Variants in MRC1 observed in about 807,000 individuals in gnomAD.
MRC1 encodes mannose receptor C-type 1.
In MRC1, 62 loss-of-function variants were observed where a neutral mutation model predicts 102.9. The observed-to-expected ratio is 0.60, with a 90% CI of 0.49 to 0.74. The LOEUF is 0.74. MRC1 is among the 30% of genes least tolerant of loss of function. MRC1 has a pLI of 0.00. For missense variants in MRC1, 1,237 were observed against 862.8 expected (o/e 1.43, Z -5.43); for synonymous variants, 457 against 298.4 (o/e 1.53, Z -5.48).
At chr10:17,862,412 C>G (rs2130662292) in intron 10 of MRC1, among the ~76,000 whole-genome samples, 1 of 152,272 alleles carries the variant, frequency 6.6e-6, no homozygotes, top group South Asian at 2.1e-4. Context: ...GGGAGGTAAA[C>G]TGCTCACCTT....
Position 17,856,261 on chromosome 10 carries a change from G to A in MRC1, c.1427G>A (p.Arg476Gln), listed in dbSNP as rs1164285347. The A allele has an allele frequency of 1.7e-5, 15 of 866,482 alleles. No individual in the cohort carries two copies. Among genetic ancestry groups the A allele is most frequent in the Middle Eastern group, 2.2e-4 (1 of 4,622 alleles). 53.7% of individuals were successfully genotyped at this position (866,482 alleles called of 1,614,324 possible). A position where few individuals can be genotyped will look rare whatever the true frequency, so the allele number is the denominator to read the frequency against. Residue 476 changes from arginine to glutamine, a missense_variant, in exon 9 of 30, where the codon CGG (arginine) becomes CAG (glutamine). Transcript: ENST00000569591. ...CTGCAGGATGGGTACTGGGCAGATC[G>A]GGGCTGTGAGTGGCCTCTTGGCTAC... ...MKGKDGYWAD[R>Q]GCEWPLGYIC...
chr10:17,867,963 T>C (rs1291896884), intron 12 of MRC1, among the ~76,000 whole-genome samples: 4 of 152,234 alleles, frequency 2.6e-5, no homozygotes, highest in Non-Finnish European at 5.9e-5. Context: ...GCCCATTAAA[T>C]GACAATTCAA....
rs1007469042 is a variant in MRC1 at position 17,884,643 on chromosome 10, G to C, written c.2981-626G>C. Among the ~76,000 whole-genome samples the C allele has an allele frequency of 7.6e-4, 115 of 152,256 alleles. 1 individual carries two copies. Among genetic ancestry groups the C allele is most frequent in the African/African-American group, 2.6e-3 (110 of 41,548 alleles). ...TTAAAAGATAAAACCATCAGCTCTT[G>C]TAAGAACTCATCTCATTCACTATCA... On this transcript the variant is annotated intron_variant, in intron 21 of 29. Coordinates refer to ENST00000569591, the MANE Select transcript of MRC1 (RefSeq NM_002438.4).
rs1833782320 is a variant in MRC1 at position 17,898,256 on chromosome 10, A to G, written c.3473A>G (p.Asn1158Ser). The change falls in exon 24 of 30, where the codon AAC (asparagine) becomes AGC (serine). Residue 1158 changes from asparagine (N) to serine (S), a missense_variant. By Grantham distance (46) the Asn-to-Ser change is conservative. Coordinates refer to ENST00000569591, the MANE Select transcript of MRC1 (RefSeq NM_002438.4). ...TSNERVWIAL[N>S]SNLTDNQYTW... is the part of the protein sequence containing the mutation. ...AATGAACGTGTGTGGATCGCCCTGA[A>G]CAGTAACTTGGTAAGATGCTGGAAA... 1 of 780,006 alleles carries G rather than the reference A, an allele frequency of 1.3e-6. No homozygotes were observed. The allele number at this position is 780,006 out of a possible 1,614,324, so 48.3% of individuals were successfully genotyped here. A position where few individuals can be genotyped will look rare whatever the true frequency, so the allele number is the denominator to read the frequency against.
intron 15 of MRC1, among the ~76,000 whole-genome samples, chr10:17,873,452 C>A (rs1833382346): frequency 1.3e-5 from 2 of 151,774 alleles, no homozygotes; most frequent in South Asian, 2.1e-4. Flanking sequence ...TAAACCCAGG[C>A]TTGGGATTTG....
intron 2 of MRC1, among the ~76,000 whole-genome samples, chr10:17,823,824 T>A (rs1554838487): frequency 6.6e-6 from 1 of 152,248 alleles, no homozygotes. Flanking sequence ...AAAGTTGTAG[T>A]GATAAATACA....
In MRC1 at chr10:17,910,664, C is replaced by A. The variant is rs1198470215; in HGVS notation, c.*199C>A. ...TTTTCATAAAAGAGGGATAACAATG[C>A]TGATTACTACCTTTTAAAATATTTT... On this transcript the variant is annotated 3_prime_UTR_variant, in exon 30 of 30. Coordinates refer to ENST00000569591, the MANE Select transcript of MRC1 (RefSeq NM_002438.4). The A allele has an allele frequency of 1.6e-6, 1 of 628,578 alleles. No individual in the cohort carries two copies. 38.9% of individuals were successfully genotyped at this position (628,578 alleles called of 1,614,324 possible).
chr10:17,901,065 A>G (rs1379219178), intron 25 of MRC1, 112 bp downstream of exon 25: 3 of 696,550 alleles, frequency 4.3e-6, no homozygotes, highest in Admixed American at 2.2e-5. Flanking sequence ...TAAGAATAAT[A>G]TAGAACATAC....
intron 8 of MRC1, among the ~76,000 whole-genome samples, chr10:17,855,156 G>A (rs1334547563): frequency 6.6e-6 from 1 of 152,174 alleles, no homozygotes; most frequent in Non-Finnish European, 1.5e-5. Context: ...GAAGAAGGCA[G>A]AAAAGATGAC....
intron 16 of MRC1, among the ~76,000 whole-genome samples, chr10:17,874,277 A>G (rs964181064): frequency 6.6e-6 from 1 of 152,172 alleles, no homozygotes; most frequent in Non-Finnish European, 1.5e-5. Flanking sequence ...CTTTTCCAGC[A>G]TCTAGAGCTA....
At chr10:17,882,140 G>A (rs1002047105) in intron 21 of MRC1, among the ~76,000 whole-genome samples, 9 of 152,092 alleles carry the variant, frequency 5.9e-5, no homozygotes, top group African/African-American at 2.2e-4. Flanking sequence ...AGGTTAAATT[G>A]TGACTTGCCC....
chr10:17,863,776 G>C, intron 11 of MRC1, 94 bp downstream of exon 11: 2 of 686,484 alleles, frequency 2.9e-6, no homozygotes, highest in Non-Finnish European at 5.3e-6. Context: ...AAATAGACTA[G>C]GTAAATTAGT....
chr10:17,848,571 G>T (rs1554840393), intron 6 of MRC1, among the ~76,000 whole-genome samples: 1 of 152,096 alleles, frequency 6.6e-6, no homozygotes, highest in Non-Finnish European at 1.5e-5. Context: ...AATAATGATT[G>T]TGTGGTGCTT....
chr10:17,827,823 A>G, intron 3 of MRC1, 108 bp downstream of exon 3: 1 of 745,658 alleles, frequency 1.3e-6, no homozygotes, highest in Non-Finnish European at 2.5e-6. Context: ...TTTCACATTT[A>G]CGACCTCATT....
At chr10:17,814,722 G>A (rs1305144094) in intron 1 of MRC1, among the ~76,000 whole-genome samples, 1 of 118,842 alleles carries the variant, frequency 8.4e-6, no homozygotes, top group Non-Finnish European at 1.6e-5. Flanking sequence ...GTCTCGCTCT[G>A]TCGCCCAGGC....
intron 9 of MRC1, among the ~76,000 whole-genome samples, chr10:17,857,324 G>A (rs1222194638): frequency 3.3e-5 from 5 of 152,098 alleles, no homozygotes; most frequent in African/African-American, 9.7e-5. Flanking sequence ...ACTATCCTTT[G>A]TTTCAGTTCC....
At chr10:17,909,880 A>T (rs2130728907) in intron 29 of MRC1, among the ~76,000 whole-genome samples, 1 of 152,016 alleles carries the variant, frequency 6.6e-6, no homozygotes, top group South Asian at 2.1e-4. Context: ...TTTTCTTTTA[A>T]TTATTATCAT....
chr10:17,827,368 TACCCAAAAAAAAAAAAAAA>T (rs1838493126), intron 2 of MRC1, among the ~76,000 whole-genome samples, 155 bp from the exon 3 acceptor site: 5 of 15,760 alleles, frequency 3.2e-4, no homozygotes, highest in Admixed American at 2.2e-3. Context: ...GGAAAAAAAA[TACCCAAAAAAAAAAAAAAA>T]AAAAAAAAAA....
chr10:17,813,662 T>C (rs868946805), intron 1 of MRC1, among the ~76,000 whole-genome samples: 5,159 of 138,448 alleles, frequency 0.037, 304 homozygotes, highest in African/African-American at 0.12. Context: ...TATATATATA[T>C]ACACACACAC....
Sources: allele counts gnomAD v4.1 joint callset (sites outside exome capture counted in the v4.1 genomes callset), GRCh38; gene constraint gnomAD v4.1.1; transcripts MANE v1.5; gene names NCBI Gene and HGNC (gene_info 2026-07-23, HGNC 2026-07-21).